DNHD1: variants seen among roughly 807,000 people sequenced by gnomAD.
The protein encoded by DNHD1 is dynein heavy chain domain-containing protein 1.
A neutral mutation model predicts 458.1 loss-of-function variants in DNHD1; 383 were observed. That is an observed-to-expected ratio of 0.84 (90% CI 0.77 to 0.91). The LOEUF is 0.91. DNHD1 is among the 40% of genes least tolerant of loss of function. The pLI, the probability that DNHD1 is intolerant of heterozygous loss-of-function variation, is 0.00. For missense variants in DNHD1, 5,336 were observed against 5,866.1 expected (o/e 0.91, Z 2.95); for synonymous variants, 2,203 against 2,376.9 (o/e 0.93, Z 2.13).
rs149962461 is a variant in DNHD1, at chr11:6,502,790, T to G, written c.784T>G (p.Phe262Val). 587 of 1,608,358 alleles carry G rather than the reference T, an allele frequency of 3.6e-4. 3 individuals carry two copies. The African/African-American group carries it at 6.9e-3, about 19-fold the overall frequency. Residue 262 changes from phenylalanine (F) to valine (V), a missense_variant, in exon 4 of 43, where the codon TTC (phenylalanine) becomes GTC (valine). Physicochemically the swap from Phe to Val is conservative, Grantham distance 50. Coordinates refer to ENST00000254579, the MANE Select transcript of DNHD1 (RefSeq NM_144666.3). ...LDYEVPREKA[F>V]QKSSTGFSPE... Reference sequence around the variant, plus strand: ...CTATGAAGTTCCCAGGGAAAAGGCCTTCCAAAAGAGCAGCACCGGCTTTTC... The same window carrying G: ...CTATGAAGTTCCCAGGGAAAAGGCCGTCCAAAAGAGCAGCACCGGCTTTTC...
intron 4 of DNHD1, among the ~76,000 whole-genome samples, chr11:6,504,813 C>T (rs900489529): frequency 1.3e-5 from 2 of 152,180 alleles, no homozygotes; most frequent in Non-Finnish European, 2.9e-5. Context: ...GCTGGTAGCC[C>T]CTTTCCTTCA....
chr11:6,545,046 C>G lies in DNHD1; in HGVS notation c.4107C>G (p.Ala1369=), dbSNP rs895541760. Reference sequence around the variant, plus strand: ...TCCTTAGTGACAGTGAGCTGGTAGCCCTGCTGGCTGCTCGACTGGAATCAT... The same window carrying G: ...TCCTTAGTGACAGTGAGCTGGTAGCGCTGCTGGCTGCTCGACTGGAATCAT... ...LFFLSDSELV[A]LLAARLESCE... is the part of the protein sequence containing the mutation. Residue 1369 remains alanine (A), a synonymous_variant, in exon 21 of 43, where the codon GCC becomes GCG. Coordinates refer to ENST00000254579, the MANE Select transcript of DNHD1 (RefSeq NM_144666.3). This position sits in a 1 kb window ranked among gnomAD's most constrained non-coding sequence, Gnocchi z 4.9. The G allele has an allele frequency of 1.2e-5, 18 of 1,551,774 alleles. No homozygotes were observed. The highest frequency in any genetic ancestry group is 1.4e-5 in the Non-Finnish European group (16 of 1,147,044).
chr11:6,563,442 C>T lies in DNHD1; in HGVS notation c.9730C>T (p.Arg3244Trp), dbSNP rs746355096. Residue 3244 changes from arginine to tryptophan, a missense_variant, in exon 30 of 43, where the codon CGG becomes TGG. This residue lies in a region of DNHD1 where 3,932 missense variants were observed against 4,365.6 expected (regional missense o/e 0.90). Transcript: ENST00000254579. ...GCAGGTGGCTGACTTTGAGGAGATA[C>T]GGAGCTATCGAGCACCACCAGAATC... ...QLQVADFEEI[R>W]SYRAPPESVV... 17 of 1,551,558 alleles carry T rather than the reference C, an allele frequency of 1.1e-5. No individual in the cohort carries two copies. Among genetic ancestry groups the T allele is most frequent in the East Asian group, 9.8e-5 (4 of 40,932 alleles).
At chr11:6,543,231 C>T (rs1853135730) in intron 18 of DNHD1, among the ~76,000 whole-genome samples, 1 of 152,154 alleles carries the variant, frequency 6.6e-6, no homozygotes, top group African/African-American at 2.4e-5. Context: ...TCTGAATAAA[C>T]CTCCTTTCTT....
At chr11:6,528,396 A>G (rs1270465100) in intron 10 of DNHD1, 126 bp from the exon 11 acceptor site, 1 of 1,047,522 alleles carries the variant, frequency 9.5e-7, no homozygotes, top group Admixed American at 3.1e-5. Context: ...ACTCATGAGC[A>G]GCGAATGGGT....
chr11:6,548,667 T>C lies in DNHD1; in HGVS notation c.7121T>C (p.Val2374Ala), dbSNP rs771726232. ...CAGACTGAACGGCTCTTGTATGTGG[T>C]GGACCTGCTTCTGTCAGGGGGACAG... Reference protein sequence around the residue: ...SIQTERLLYVVDLLLSGGQPV... With the variant: ...SIQTERLLYVADLLLSGGQPV... The change falls in exon 24 of 43, where the codon GTG (valine) becomes GCG (alanine). Residue 2374 changes from valine to alanine, a missense_variant. Physicochemically the swap from Val to Ala is moderately conservative, Grantham distance 64. This residue lies in a region of DNHD1 where 3,932 missense variants were observed against 4,365.6 expected (regional missense o/e 0.90). Transcript: ENST00000254579. The surrounding 1 kb of genome is among the most constrained non-coding windows in gnomAD (Gnocchi z 4.4). 2.3e-4 allele frequency: 360 copies of C among 1,551,530 alleles called. No individual in the cohort carries two copies. The highest frequency in any genetic ancestry group is 2.8e-4 in the Non-Finnish European group (324 of 1,146,968).
In DNHD1 at chr11:6,538,601, T is replaced by C; in HGVS notation, c.3127-11T>C. Reference sequence around the variant, plus strand: ...GAGTCTCAAGCTGACAGTGAGCCCTTCTCCCTGCAGTTCAGCCCAGCTATG... The same window carrying C: ...GAGTCTCAAGCTGACAGTGAGCCCTCCTCCCTGCAGTTCAGCCCAGCTATG... On this transcript the variant is annotated splice_polypyrimidine_tract_variant and intron_variant, in intron 15 of 42. Coordinates refer to ENST00000254579, the MANE Select transcript of DNHD1 (RefSeq NM_144666.3). 1 of 1,547,602 alleles carries C rather than the reference T, an allele frequency of 6.5e-7. No individual in the cohort carries two copies. Among genetic ancestry groups the C allele is most frequent in the East Asian group, 2.4e-5 (1 of 40,856 alleles).
intron 10 of DNHD1, chr11:6,520,564 C>G (rs186188842): frequency 4.7e-5 from 59 of 1,266,980 alleles, no homozygotes; most frequent in Non-Finnish European, 8.0e-6. Flanking sequence ...CCTGATTCAT[C>G]CCAAACTCTG....
At chr11:6,561,474 AGAG>A (rs1267671631) in intron 28 of DNHD1, among the ~76,000 whole-genome samples, 1 of 152,192 alleles carries the variant, frequency 6.6e-6, no homozygotes, top group Non-Finnish European at 1.5e-5. Context: ...CTTCCTAATA[AGAG>A]GAGATAGGGC....
chr11:6,554,119 T>C (rs1343890111), intron 24 of DNHD1, among the ~76,000 whole-genome samples: 2 of 152,294 alleles, frequency 1.3e-5, no homozygotes, highest in East Asian at 3.9e-4. Context: ...GAGAGTGTGG[T>C]ATTGGTATAA....
rs771113503 is a variant in DNHD1 at position 6,498,440 on chromosome 11, C to T, written c.225C>T (p.Asp75=). The stretch of plus-strand genomic sequence containing the variant: ...CTCTGTTCTCAGCTGTGTTGCAGGA[C>T]AGTAGCCCTGCAGCTTGGCGCTATC... ...LRTLFSAVLQ[D]SSPAAWRYLH... Residue 75 remains aspartate (D), a synonymous_variant, in exon 3 of 43, where the codon GAC becomes GAT. Transcript: ENST00000254579. 3 of 1,614,110 alleles carry T rather than the reference C, an allele frequency of 1.9e-6. No homozygotes were observed. Among genetic ancestry groups the T allele is most frequent in the Non-Finnish European group, 2.5e-6 (3 of 1,180,052 alleles).
chr11:6,554,192 T>A (rs1291276332), intron 24 of DNHD1, among the ~76,000 whole-genome samples: 2 of 152,186 alleles, frequency 1.3e-5, no homozygotes, highest in Admixed American at 1.3e-4. Flanking sequence ...ATGTGGCCAG[T>A]TGATTTTTAA....
chr11:6,547,725 A>G lies in DNHD1; in HGVS notation c.6727+59A>G. On this transcript the variant is annotated intron_variant, in intron 21 of 42. Transcript: ENST00000254579. The stretch of plus-strand genomic sequence containing the variant: ...GGGGCCTTAAGGGTAGCTGGGGTAT[A>G]TAGCTGGAGCCTGGGGCGTGTGTTC... 2.7e-6 allele frequency: 4 copies of G among 1,484,454 alleles called. No homozygotes were observed. In the South Asian group the frequency reaches 5.3e-5, roughly 20 times the overall value. The allele number at this position is 1,484,454 out of a possible 1,614,324, so 92.0% of individuals were successfully genotyped here.
intron 32 of DNHD1, 30 bp from the exon 33 acceptor site, chr11:6,565,665 G>A (rs1247451828): frequency 6.6e-7 from 1 of 1,518,072 alleles, no homozygotes; most frequent in East Asian, 2.5e-5. Flanking sequence ...CCTCCCCTAA[G>A]AAGAGCTCCT....
chr11:6,564,618 G>T lies in DNHD1; in HGVS notation c.10570G>T (p.Asp3524Tyr). 6.4e-7 allele frequency: 1 copy of T among 1,551,738 alleles called. No individual in the cohort carries two copies. The highest frequency in any genetic ancestry group is 1.4e-5 in the African/African-American group (1 of 73,172). ...LSSESEQYQW[D>Y]GNLKPQAKSA... ...CTCTGAATCGGAGCAGTACCAGTGG[G>T]ATGGAAACCTGAAGCCACAGGCAAA... Residue 3524 changes from aspartate (D) to tyrosine (Y), a missense_variant, in exon 32 of 43, where the codon GAT becomes TAT. Physicochemically the swap from Asp to Tyr is radical, Grantham distance 160. This residue lies in a region of DNHD1 where 3,932 missense variants were observed against 4,365.6 expected (regional missense o/e 0.90). Transcript: ENST00000254579.
chr11:6,519,311 A>G (rs1371486804), intron 7 of DNHD1, among the ~76,000 whole-genome samples: 1 of 152,148 alleles, frequency 6.6e-6, no homozygotes, highest in African/African-American at 2.4e-5. Context: ...CTATATTTAC[A>G]TATACACAAA....
chr11:6,542,694 T>C (rs2134424119), intron 18 of DNHD1, among the ~76,000 whole-genome samples: 1 of 152,340 alleles, frequency 6.6e-6, no homozygotes, highest in South Asian at 2.1e-4. Flanking sequence ...GGACTTGTTA[T>C]ATATTTAATT....
At chr11:6,549,079 C>A in intron 24 of DNHD1, 146 bp downstream of exon 24, 1 of 887,920 alleles carries the variant, frequency 1.1e-6, no homozygotes, top group Admixed American at 2.9e-5. Context: ...TCTACATATG[C>A]TCCCTGAACA....
intron 12 of DNHD1, among the ~76,000 whole-genome samples, chr11:6,530,515 C>T (rs1170206142): frequency 6.6e-6 from 1 of 152,194 alleles, no homozygotes; most frequent in Non-Finnish European, 1.5e-5. Flanking sequence ...CTCACCTAGC[C>T]TCAAGGATGG....
Sources: allele counts gnomAD v4.1 joint callset (sites outside exome capture counted in the v4.1 genomes callset), GRCh38; gene constraint gnomAD v4.1.1; regional missense constraint gnomAD v4.1.1; non-coding constraint Gnocchi (gnomAD v3.1); transcripts MANE v1.5; gene names NCBI Gene and HGNC (gene_info 2026-07-23, HGNC 2026-07-21).